NFIA: variants seen among roughly 807,000 people sequenced by gnomAD.
NFIA encodes nuclear factor 1 A-type.
NFIA carries 8 observed loss-of-function variants against 62.8 expected under a neutral mutation model. That is an observed-to-expected ratio of 0.13 (90% confidence interval 0.07 to 0.23). The LOEUF is 0.23. NFIA is among the 10% of genes least tolerant of loss of function. The pLI, the probability that NFIA is intolerant of heterozygous loss-of-function variation, is 1.00. For synonymous variants in NFIA, 235 were observed against 238.1 expected, an observed-to-expected ratio of 0.99 and a Z score of 0.12; for missense variants, 410 against 642.1, an observed-to-expected ratio of 0.64 and a Z score of 3.91.
At chr1:61,418,730 T>C (rs756308620) in intron 9 of NFIA, among the ~76,000 whole-genome samples, 19 of 152,358 alleles carry the variant, frequency 1.2e-4, no homozygotes, top group Admixed American at 5.2e-4. Context: ...TAAGTAATGA[T>C]GTAATGAACA....
intron 3 of NFIA, among the ~76,000 whole-genome samples, chr1:61,299,985 A>G (rs1659405632): frequency 6.6e-6 from 1 of 152,126 alleles, no homozygotes; most frequent in Non-Finnish European, 1.5e-5. Flanking sequence ...GTTTGTGAGT[A>G]TATCCGTATT....
intron 2 of NFIA, among the ~76,000 whole-genome samples, chr1:61,154,477 G>A (rs111676303): frequency 0.02 from 3,080 of 152,130 alleles, 66 homozygotes; most frequent in East Asian, 0.092. Context: ...TTGAGACAGG[G>A]TCTTACTCTG....
rs144767070 is a variant in NFIA at position 61,403,299 on chromosome 1, C to A, written c.1076-805C>A. Among the ~76,000 whole-genome samples the A allele has an allele frequency of 3.3e-3, 506 of 152,300 alleles. 2 individuals carry two copies. Among genetic ancestry groups the A allele is most frequent in the Middle Eastern group, 6.8e-3 (2 of 294 alleles). On this transcript the variant is annotated intron_variant, in intron 7 of 10. Coordinates refer to ENST00000403491, the MANE Select transcript of NFIA (RefSeq NM_001134673.4). ...TCCTTCTAATTCAAGGGCAAAAGTT[C>A]TCTTAGAGAAGTTATTAGGCACCTC...
chr1:61,099,686 G>A (rs1646476399), intron 2 of NFIA, among the ~76,000 whole-genome samples: 1 of 152,314 alleles, frequency 6.6e-6, no homozygotes, highest in East Asian at 1.9e-4. Context: ...TTGGGAAATA[G>A]ACGTTCAGAG....
chr1:61,158,062 T>C (rs1001198837), intron 2 of NFIA, among the ~76,000 whole-genome samples: 2 of 152,198 alleles, frequency 1.3e-5, no homozygotes, highest in African/African-American at 4.8e-5. Flanking sequence ...GAATTAAAGG[T>C]ATGCCTATGA....
intron 2 of NFIA, among the ~76,000 whole-genome samples, chr1:61,167,481 C>A (rs181959532): frequency 6.6e-6 from 1 of 152,244 alleles, no homozygotes; most frequent in African/African-American, 2.4e-5. Flanking sequence ...CTGTTGTGTA[C>A]AAAGGGAGCC....
At chr1:61,342,055 G>A (rs761258461) in intron 4 of NFIA, among the ~76,000 whole-genome samples, 3 of 152,024 alleles carry the variant, frequency 2.0e-5, no homozygotes, top group Non-Finnish European at 4.4e-5. Context: ...TCCACATTCA[G>A]CAAAACCACA....
chr1:61,149,161 G>C (rs529597534), intron 2 of NFIA, among the ~76,000 whole-genome samples: 7 of 150,740 alleles, frequency 4.6e-5, no homozygotes, highest in Non-Finnish European at 1.5e-5. Flanking sequence ...CCCCCAGAAT[G>C]CTGGGATTAC....
At chr1:61,287,407 C>A (rs769841176) in intron 3 of NFIA, among the ~76,000 whole-genome samples, 3 of 152,130 alleles carry the variant, frequency 2.0e-5, no homozygotes, top group African/African-American at 7.2e-5. Flanking sequence ...AAATGGAGGT[C>A]GAAATCTGTG....
intron 2 of NFIA, among the ~76,000 whole-genome samples, chr1:61,103,758 G>GT (rs1646550951): frequency 6.6e-6 from 1 of 152,086 alleles, no homozygotes; most frequent in African/African-American, 2.4e-5. Flanking sequence ...TTAAGCCTAT[G>GT]TTTTTTACAG....
intron 2 of NFIA, among the ~76,000 whole-genome samples, chr1:61,128,962 G>A (rs1471242887): frequency 3.7e-5 from 4 of 109,126 alleles, no homozygotes; most frequent in Non-Finnish European, 5.0e-5. Context: ...TTGCTCTGTC[G>A]CCCAGGCTGG....
At chr1:61,270,987 C>T (rs2100262841) in intron 2 of NFIA, among the ~76,000 whole-genome samples, 1 of 152,262 alleles carries the variant, frequency 6.6e-6, no homozygotes, top group African/African-American at 2.4e-5. Context: ...TCATGTTTGC[C>T]TGTCTTTTAT....
rs549488284 is a variant in NFIA, at chr1:61,201,751, C to G, written c.560-75769C>G. 2.7e-4 allele frequency among the ~76,000 whole-genome samples: 41 copies of G among 152,034 alleles called. 1 individual carries two copies. The South Asian group carries it at 8.1e-3, about 30-fold the overall frequency. On this transcript the variant is annotated intron_variant, in intron 2 of 10. Transcript: ENST00000403491. ...AAGGCAGTGGTGTGCTCTCCTTTCA[C>G]GAGAGCATTTTAATGAGTTTCCATA...
chr1:61,161,308 T>G (rs998429193), intron 2 of NFIA, among the ~76,000 whole-genome samples: 1 of 152,158 alleles, frequency 6.6e-6, no homozygotes, highest in Non-Finnish European at 1.5e-5. Flanking sequence ...ATCTGAAAAC[T>G]TACCAAGTTC....
chr1:61,142,825 C>T (rs1181713851), intron 2 of NFIA, among the ~76,000 whole-genome samples: 3 of 152,150 alleles, frequency 2.0e-5, no homozygotes, highest in Admixed American at 6.5e-5. Flanking sequence ...ACATGGAAAG[C>T]GCCTGCCCCT....
rs562415089 is a variant in NFIA at position 61,216,228 on chromosome 1, G to A, written c.560-61292G>A. 2.8e-4 allele frequency among the ~76,000 whole-genome samples: 42 copies of A among 152,252 alleles called. No homozygotes were observed. In the East Asian group the frequency reaches 5.4e-3, roughly 20 times the overall value. On this transcript the variant is annotated intron_variant, in intron 2 of 10. Coordinates refer to ENST00000403491, the MANE Select transcript of NFIA (RefSeq NM_001134673.4). ...GAAGGGCTGTAAGGTTTGCATAATC[G>A]TCCAGTGCTATCATCATATCATCTT...
At chr1:61,166,816 T>A (rs769683926) in intron 2 of NFIA, among the ~76,000 whole-genome samples, 14 of 152,194 alleles carry the variant, frequency 9.2e-5, no homozygotes, top group Non-Finnish European at 1.3e-4. Context: ...AGGATAAATA[T>A]AGTGTTCTTG....
intron 10 of NFIA, among the ~76,000 whole-genome samples, chr1:61,445,945 A>G (rs914015098): frequency 2.0e-5 from 3 of 152,086 alleles, no homozygotes; most frequent in Non-Finnish European, 4.4e-5. Context: ...GACTTTTTCC[A>G]TAGCCAAGCT....
intron 6 of NFIA, among the ~76,000 whole-genome samples, chr1:61,367,140 T>C (rs995421510): frequency 1.3e-5 from 2 of 152,178 alleles, no homozygotes; most frequent in African/African-American, 4.8e-5. Flanking sequence ...TCATTGTAAT[T>C]TTAAATATCA....
Sources: allele counts gnomAD v4.1 joint callset (sites outside exome capture counted in the v4.1 genomes callset), GRCh38; gene constraint gnomAD v4.1.1; transcripts MANE v1.5; gene names NCBI Gene and HGNC (gene_info 2026-07-23, HGNC 2026-07-21).